Variants in FHIP1A observed in about 807,000 individuals in gnomAD.
The protein encoded by FHIP1A is FHF complex subunit HOOK-interacting protein 1A.
A neutral mutation model predicts 88.6 loss-of-function variants in FHIP1A; 61 were observed. The observed-to-expected ratio is 0.69, with a 90% confidence interval of 0.56 to 0.85. FHIP1A has a LOEUF of 0.85. Among genes scored for constraint, FHIP1A ranks in the 40% least tolerant of loss-of-function variants. The probability of loss-of-function intolerance (pLI) is 0.00; values close to 1 mark genes in which losing one functional copy is unlikely to be tolerated. For missense variants in FHIP1A, 1,154 were observed against 1,273.5 expected, an observed-to-expected ratio of 0.91 and a Z score of 1.43; for synonymous variants, 478 against 496.0, an observed-to-expected ratio of 0.96 and a Z score of 0.48.
At chr4:151,521,459 C>G (rs1394695662) in intron 3 of FHIP1A, among the ~76,000 whole-genome samples, 1 of 152,098 alleles carries the variant, frequency 6.6e-6, no homozygotes, top group Non-Finnish European at 1.5e-5. Context: ...TACTGGAAAA[C>G]TACACTTTTC....
At chr4:151,622,996 C>G (rs1266884003) in intron 7 of FHIP1A, among the ~76,000 whole-genome samples, 1 of 152,126 alleles carries the variant, frequency 6.6e-6, no homozygotes, top group Non-Finnish European at 1.5e-5. Flanking sequence ...GGAAAGGAGG[C>G]TATAGACGTA....
chr4:151,427,212 A>G (rs1733414228), intron 1 of FHIP1A, among the ~76,000 whole-genome samples: 1 of 152,138 alleles, frequency 6.6e-6, no homozygotes, highest in Non-Finnish European at 1.5e-5. Context: ...CAAAAGCAAC[A>G]TGTTTAAAAG....
intron 2 of FHIP1A, among the ~76,000 whole-genome samples, chr4:151,462,857 G>T (rs935320137): frequency 6.6e-6 from 1 of 152,164 alleles, no homozygotes; most frequent in Non-Finnish European, 1.5e-5. Flanking sequence ...GTCTTTTCTG[G>T]ATGGCTTATT....
chr4:151,414,187 A>G (rs977793923), intron 1 of FHIP1A, among the ~76,000 whole-genome samples: 1 of 151,868 alleles, frequency 6.6e-6, no homozygotes, highest in Non-Finnish European at 1.5e-5. Context: ...AGTAGCTGGG[A>G]CTACAGGCAT....
chr4:151,481,875 G>A (rs1041892168), intron 2 of FHIP1A, among the ~76,000 whole-genome samples: 4 of 152,020 alleles, frequency 2.6e-5, no homozygotes, highest in African/African-American at 9.7e-5. Flanking sequence ...TTTCTCCCAG[G>A]TAGGATAATT....
chr4:151,523,588 C>T (rs1443994680), intron 3 of FHIP1A, among the ~76,000 whole-genome samples: 1 of 152,094 alleles, frequency 6.6e-6, no homozygotes, highest in African/African-American at 2.4e-5. Flanking sequence ...TTATTTGTTG[C>T]AAGGTGCTCT....
chr4:151,422,224 A>T (rs4263378), intron 1 of FHIP1A, among the ~76,000 whole-genome samples: 20,353 of 150,204 alleles, frequency 0.14, 1,734 homozygotes, highest in African/African-American at 0.23. Context: ...ACATTAAAAA[A>T]ATATATATAT....
rs1428952546 is a variant in FHIP1A, at chr4:151,663,920, TGCTGTATGA to T, written c.*1169_*1177del. ...TGGGGTTCATTAGAAGGCCCCAACGTGCTGTATGAGCGTCCCTCTGCTGCTTTGCAGCCT... is the reference window on the plus strand; with the variant it reads ...TGGGGTTCATTAGAAGGCCCCAACGTGCGTCCCTCTGCTGCTTTGCAGCCT... On this transcript the variant is annotated 3_prime_UTR_variant, in exon 14 of 14. Coordinates refer to ENST00000435205, the MANE Select transcript of FHIP1A (RefSeq NM_001109977.3). 6.6e-6 allele frequency among the ~76,000 whole-genome samples: 1 copy of T among 152,192 alleles called. No individual in the cohort carries two copies. The highest frequency in any genetic ancestry group is 2.4e-5 in the African/African-American group (1 of 41,464).
At chr4:151,443,685 C>CTGTGTGTGTGTGTGTGTGTG (rs57147339) in intron 1 of FHIP1A, among the ~76,000 whole-genome samples, 2,509 of 122,086 alleles carry the variant, frequency 0.021, 66 homozygotes, top group Admixed American at 0.03. Context: ...ATGAAGCACT[C>CTGTGTGTGTGTGTGTGTGTG]TGTGTGTGTG....
intron 3 of FHIP1A, among the ~76,000 whole-genome samples, chr4:151,497,365 T>C (rs1730500235): frequency 6.6e-6 from 1 of 152,210 alleles, no homozygotes; most frequent in Non-Finnish European, 1.5e-5. Flanking sequence ...CTATGGCCCA[T>C]GAACCAAATT....
intron 1 of FHIP1A, among the ~76,000 whole-genome samples, chr4:151,433,841 C>G (rs1733693072): frequency 6.6e-6 from 1 of 152,058 alleles, no homozygotes; most frequent in Non-Finnish European, 1.5e-5. Context: ...AAATTGCATG[C>G]CTGGGCCATA....
chr4:151,646,790 A>G (rs970465894), intron 10 of FHIP1A, 42 bp downstream of exon 10: 60 of 1,385,774 alleles, frequency 4.3e-5, no homozygotes, highest in Non-Finnish European at 5.7e-5. Flanking sequence ...AAAGGATGCC[A>G]GTTCCATCTC....
intron 7 of FHIP1A, among the ~76,000 whole-genome samples, chr4:151,596,520 A>C (rs565279319): frequency 6.6e-6 from 1 of 151,392 alleles, no homozygotes; most frequent in African/African-American, 2.4e-5. Flanking sequence ...TCTTCTCGAG[A>C]TGTATCTTTG....
intron 13 of FHIP1A, among the ~76,000 whole-genome samples, chr4:151,661,263 T>C (rs1737445487): frequency 6.6e-6 from 1 of 152,104 alleles, no homozygotes; most frequent in Non-Finnish European, 1.5e-5. Context: ...ATCAACACTT[T>C]TGTGCTCACT....
chr4:151,594,268 G>A (rs536996212), intron 7 of FHIP1A, among the ~76,000 whole-genome samples: 2 of 152,252 alleles, frequency 1.3e-5, no homozygotes, highest in South Asian at 4.1e-4. Flanking sequence ...AATGAGTTAG[G>A]GAGGAGTCCC....
intron 1 of FHIP1A, among the ~76,000 whole-genome samples, chr4:151,450,540 A>T (rs755749764): frequency 4.6e-5 from 7 of 152,134 alleles, no homozygotes; most frequent in Non-Finnish European, 1.0e-4. Context: ...TCTTGTCTGT[A>T]TATCTTGGTA....
At position 151,447,461 on chromosome 4, in the gene FHIP1A, A is replaced by G. The variant is rs982974490; in HGVS notation, c.-355-7240A>G. 3.9e-5 allele frequency among the ~76,000 whole-genome samples: 6 copies of G among 152,198 alleles called. 1 individual carries two copies. The highest frequency in any genetic ancestry group is 2.6e-4 in the Admixed American group (4 of 15,282). ...TTAGCTATCACTTCCCCTGTGCTGCAGCCACACAGGTCTTCTTTCATTTCC... is the reference window on the plus strand; with the variant it reads ...TTAGCTATCACTTCCCCTGTGCTGCGGCCACACAGGTCTTCTTTCATTTCC... On this transcript the variant is annotated intron_variant, in intron 1 of 13. Coordinates refer to ENST00000435205, the MANE Select transcript of FHIP1A (RefSeq NM_001109977.3).
chr4:151,554,102 G>A (rs1284459533), intron 3 of FHIP1A, among the ~76,000 whole-genome samples: 1 of 152,116 alleles, frequency 6.6e-6, no homozygotes, highest in African/African-American at 2.4e-5. Flanking sequence ...TACTACCCAT[G>A]TGACCAGTCA....
intron 3 of FHIP1A, among the ~76,000 whole-genome samples, chr4:151,526,209 TC>T (rs201008434): frequency 0.079 from 12,030 of 152,060 alleles, 668 homozygotes; most frequent in Middle Eastern, 0.14. Context: ...TCCCCACCCT[TC>T]CCCCCTTTCT....
Sources: gnomAD v4.1 joint callset for allele counts (sites outside exome capture counted in the v4.1 genomes callset) on GRCh38, gnomAD v4.1.1 for gene constraint, MANE v1.5 for transcripts, NCBI Gene and HGNC (gene_info 2026-07-23, HGNC 2026-07-21) for gene names.